Variants in DLC1 observed in about 807,000 individuals in gnomAD.
DLC1 encodes the protein rho GTPase-activating protein 7.
In DLC1, 54 loss-of-function variants were observed where a neutral mutation model predicts 140.3. The ratio of observed to expected loss-of-function variants is 0.38; its 90% CI spans 0.31 to 0.48. The LOEUF (loss-of-function observed/expected upper bound fraction) is 0.48, where lower values mean the gene tolerates loss of function less well. DLC1 is among the 20% of genes least tolerant of loss of function. The pLI is 0.96. For missense variants in DLC1, 2,536 were observed against 1,907.0 expected (o/e 1.33, Z -6.14); for synonymous variants, 986 against 728.1 (o/e 1.35, Z -5.70).
In DLC1 at chr8:13,102,835, G is replaced by T; in HGVS notation, c.1521C>A (p.Asn507Lys). 1 of 1,613,972 alleles carries T rather than the reference G, an allele frequency of 6.2e-7. No homozygotes were observed. The highest frequency in any genetic ancestry group is 8.5e-7 in the Non-Finnish European group (1 of 1,179,948). The change falls in exon 8 of 18, where the codon AAC (asparagine) becomes AAA (lysine). Residue 507 changes from asparagine to lysine, a missense_variant. By Grantham distance (94) the Asn-to-Lys change is moderately conservative. Coordinates refer to ENST00000276297, the MANE Select transcript of DLC1 (RefSeq NM_182643.3). ...TTTCTAGCTTCATCACCGCACATTT[G>T]TTTAAAGTATTTAGACGCCTATAGA... ...EALCRRLNTL[N>K]KCAVMKLEIS...
At chr8:13,140,372 A>G (rs1585747800) in intron 5 of DLC1, among the ~76,000 whole-genome samples, 1 of 152,198 alleles carries the variant, frequency 6.6e-6, no homozygotes. Context: ...AACTAGGAGT[A>G]CAAATGGGCA....
intron 1 of DLC1, among the ~76,000 whole-genome samples, chr8:13,600,971 A>G (rs1023193993): frequency 4.0e-5 from 6 of 151,758 alleles, no homozygotes; most frequent in African/African-American, 1.5e-4. Flanking sequence ...ATATTTTATT[A>G]TTTGTTTATT....
intron 5 of DLC1, among the ~76,000 whole-genome samples, chr8:13,160,639 C>G (rs73208935): frequency 6.6e-6 from 1 of 152,134 alleles, no homozygotes; most frequent in Non-Finnish European, 1.5e-5. Flanking sequence ...AATGATTTGG[C>G]TTCTAAACCG....
At chr8:13,190,741 G>A (rs966355263) in intron 5 of DLC1, among the ~76,000 whole-genome samples, 7 of 152,136 alleles carry the variant, frequency 4.6e-5, no homozygotes, top group Non-Finnish European at 7.4e-5. Context: ...AGGGAGAGGC[G>A]TGGGCCCGAG....
chr8:13,598,147 A>G (rs749183474), intron 1 of DLC1, among the ~76,000 whole-genome samples: 4 of 148,064 alleles, frequency 2.7e-5, no homozygotes, highest in Non-Finnish European at 5.9e-5. Flanking sequence ...ACAAACAATT[A>G]AAATTATTAA....
intron 1 of DLC1, chr8:13,583,814 G>A (rs558328975): frequency 2.9e-4 from 44 of 152,388 alleles, no homozygotes; most frequent in Admixed American, 5.9e-4. Context: ...GGTGAAAATT[G>A]TCTTGAGTGT....
At chr8:13,137,275 G>A (rs1318579182) in intron 5 of DLC1, among the ~76,000 whole-genome samples, 1 of 152,246 alleles carries the variant, frequency 6.6e-6, no homozygotes, top group East Asian at 1.9e-4. Flanking sequence ...TCATACGTTA[G>A]AAGTTAATGT....
chr8:13,479,858 A>AGAAGAG (rs1563383602), intron 2 of DLC1, among the ~76,000 whole-genome samples: 1 of 47,302 alleles, frequency 2.1e-5, no homozygotes, highest in East Asian at 3.0e-4. Context: ...AAGAAGAAGA[A>AGAAGAG]GAGAAAAAGA....
intron 5 of DLC1, among the ~76,000 whole-genome samples, chr8:13,168,443 C>T (rs950675137): frequency 2.0e-5 from 3 of 152,150 alleles, no homozygotes; most frequent in Non-Finnish European, 2.9e-5. Flanking sequence ...CTCTTTTACT[C>T]TCAGTAGCAA....
In DLC1 at chr8:13,099,929, T is replaced by C; in HGVS notation, c.2408A>G (p.Glu803Gly). The C allele has an allele frequency of 6.2e-7, 1 of 1,613,892 alleles. No homozygotes were observed. Reference sequence around the variant, plus strand: ...TTCAGGGATGTAGAACACCGTGTCCTCTGGGTAGCTCTCGCGGTTCTTAAA... The same window carrying C: ...TTCAGGGATGTAGAACACCGTGTCCCCTGGGTAGCTCTCGCGGTTCTTAAA... ...QNFKNRESYPEDTVFYIPEDH... is the reference protein window; with the variant it reads ...QNFKNRESYPGDTVFYIPEDH... The change falls in exon 9 of 18, where the codon GAG becomes GGG. Residue 803 changes from glutamate (E) to glycine (G), a missense_variant. Coordinates refer to ENST00000276297, the MANE Select transcript of DLC1 (RefSeq NM_182643.3).
chr8:13,320,692 T>A (rs749439586), intron 4 of DLC1, among the ~76,000 whole-genome samples: 11 of 152,094 alleles, frequency 7.2e-5, no homozygotes, highest in Non-Finnish European at 1.2e-4. Flanking sequence ...GAGGTCTGGT[T>A]CTATTAGTTC....
At chr8:13,295,491 C>T (rs1831909705) in intron 5 of DLC1, among the ~76,000 whole-genome samples, 1 of 152,196 alleles carries the variant, frequency 6.6e-6, no homozygotes, top group African/African-American at 2.4e-5. Context: ...AGATGGGCAC[C>T]AGCCATTTAT....
chr8:13,218,988 A>AATTATATAATTATATACGAAT (rs1828377489), intron 5 of DLC1, among the ~76,000 whole-genome samples: 2 of 124,384 alleles, frequency 1.6e-5, no homozygotes, highest in Admixed American at 8.8e-5. Context: ...ATAACTATAT[A>AATTATATAATTATATACGAAT]ATTATATACG....
At chr8:13,423,525 A>T (rs1467493104) in intron 2 of DLC1, among the ~76,000 whole-genome samples, 1 of 152,148 alleles carries the variant, frequency 6.6e-6, no homozygotes, top group East Asian at 1.9e-4. Flanking sequence ...AGAAAGAATG[A>T]ATTATAATAC....
chr8:13,361,776 C>T (rs1835238192), intron 4 of DLC1, among the ~76,000 whole-genome samples: 1 of 152,188 alleles, frequency 6.6e-6, no homozygotes, highest in Non-Finnish European at 1.5e-5. Context: ...AATCAAGCTT[C>T]TTGCTCAAGG....
In DLC1 at chr8:13,099,730, G is replaced by C; in HGVS notation, c.2607C>G (p.Ser869=). 1 of 1,614,178 alleles carries C rather than the reference G, an allele frequency of 6.2e-7. No individual in the cohort carries two copies. Among genetic ancestry groups the C allele is most frequent in the Non-Finnish European group, 8.5e-7 (1 of 1,180,034 alleles). ...SPKELKRRNS[S]SSMSSRLSIY... ...TGCTCAGGCGGCTGCTCATGGAGCT[G>C]GAAGAATTGCGTCTCTTCAGTTCCT... The change falls in exon 9 of 18, where the codon TCC becomes TCG. Residue 869 remains serine (S), a synonymous_variant. Transcript: ENST00000276297.
intron 1 of DLC1, among the ~76,000 whole-genome samples, chr8:13,566,556 C>G (rs1804434958): frequency 6.6e-6 from 1 of 152,198 alleles, no homozygotes; most frequent in Non-Finnish European, 1.5e-5. Context: ...ATTTTTAAAT[C>G]TAGATGCATT....
At chr8:13,424,691 GC>G (rs1379450340) in intron 2 of DLC1, among the ~76,000 whole-genome samples, 1 of 151,688 alleles carries the variant, frequency 6.6e-6, no homozygotes, top group East Asian at 2.0e-4. Flanking sequence ...TCCTGCCTTA[GC>G]CCCCTGAGTA....
At chr8:13,559,083 G>C (rs558281307) in intron 1 of DLC1, 5 of 152,356 alleles carry the variant, frequency 3.3e-5, no homozygotes, top group African/African-American at 9.6e-5. Context: ...GCCTCTGCTA[G>C]CCAGAACAAA....
Sources: gnomAD v4.1 joint callset for allele counts (sites outside exome capture counted in the v4.1 genomes callset) on GRCh38, gnomAD v4.1.1 for gene constraint, MANE v1.5 for transcripts, NCBI Gene and HGNC (gene_info 2026-07-23, HGNC 2026-07-21) for gene names.